The following PLCB1 variants were observed in gnomAD, a reference collection of about 807,000 sequenced individuals.
The protein encoded by PLCB1 is phospholipase C beta 1.
In PLCB1, 46 loss-of-function variants were observed where a neutral mutation model predicts 161.8. The observed-to-expected ratio is 0.28, with a 90% CI of 0.22 to 0.36. The LOEUF (loss-of-function observed/expected upper bound fraction) is 0.36. PLCB1 is among the 10% of genes least tolerant of loss of function. PLCB1 has a pLI of 1.00. For missense variants in PLCB1, 1,016 were observed against 1,472.5 expected (o/e 0.69, Z 5.07); for synonymous variants, 517 against 503.7 (o/e 1.03, Z -0.35).
chr20:8,269,519 A>G (rs1454897483), intron 2 of PLCB1, among the ~76,000 whole-genome samples: 1 of 152,196 alleles, frequency 6.6e-6, no homozygotes. Flanking sequence ...GTATTTTCTT[A>G]TAACTCAGAG....
intron 2 of PLCB1, among the ~76,000 whole-genome samples, chr20:8,171,570 A>G (rs1371304279): frequency 1.3e-5 from 2 of 152,072 alleles, no homozygotes; most frequent in African/African-American, 4.8e-5. Flanking sequence ...AACTTTCTGC[A>G]CCTCAGTTTT....
At chr20:8,275,250 AGTGT>A (rs3031931) in intron 2 of PLCB1, among the ~76,000 whole-genome samples, 24 of 145,458 alleles carry the variant, frequency 1.6e-4, no homozygotes, top group African/African-American at 3.6e-4. Context: ...CATCAGCGTG[AGTGT>A]GTGTGTGTGT....
chr20:8,154,601 A>T (rs2123039323), intron 2 of PLCB1, among the ~76,000 whole-genome samples: 1 of 152,274 alleles, frequency 6.6e-6, no homozygotes, highest in Non-Finnish European at 1.5e-5. Context: ...AGCCCAACCA[A>T]CAGTAATAGG....
At chr20:8,611,488 AT>A (rs1987902002) in intron 3 of PLCB1, among the ~76,000 whole-genome samples, 1 of 152,172 alleles carries the variant, frequency 6.6e-6, no homozygotes, top group African/African-American at 2.4e-5. Flanking sequence ...TTACCTTAAA[AT>A]GTAAGAAGCC....
At chr20:8,353,558 ATAG>A (rs1381842965) in intron 2 of PLCB1, among the ~76,000 whole-genome samples, 1 of 152,128 alleles carries the variant, frequency 6.6e-6, no homozygotes, top group Non-Finnish European at 1.5e-5. Flanking sequence ...AGTCATGTTG[ATAG>A]TAGGTACCTT....
chr20:8,234,229 G>T (rs1274451797), intron 2 of PLCB1, among the ~76,000 whole-genome samples: 2 of 152,180 alleles, frequency 1.3e-5, no homozygotes, highest in Non-Finnish European at 2.9e-5. Flanking sequence ...ATTGCCAAAT[G>T]GTTTTCCAAA....
At chr20:8,286,599 C>T (rs993130013) in intron 2 of PLCB1, among the ~76,000 whole-genome samples, 1 of 152,192 alleles carries the variant, frequency 6.6e-6, no homozygotes, top group African/African-American at 2.4e-5. Flanking sequence ...TAATCCTTTA[C>T]AGTTCCTTCC....
At chr20:8,774,479 C>T in intron 26 of PLCB1, 60 bp from the exon 27 acceptor site, 1 of 1,440,428 alleles carries the variant, frequency 6.9e-7, no homozygotes, top group Non-Finnish European at 9.4e-7. Context: ...TGGTGAATAA[C>T]CTTCCCTCCA....
intron 3 of PLCB1, among the ~76,000 whole-genome samples, chr20:8,437,637 T>C (rs1980369169): frequency 2.0e-5 from 3 of 152,190 alleles, no homozygotes; most frequent in Admixed American, 2.0e-4. Context: ...GGTATGGTGT[T>C]TATTTCTACC....
intron 31 of PLCB1, among the ~76,000 whole-genome samples, chr20:8,809,740 A>G (rs1022874012): frequency 6.6e-6 from 1 of 151,864 alleles, no homozygotes; most frequent in Non-Finnish European, 1.5e-5. Context: ...CCTTCTTTAA[A>G]GCTTTTTTTT....
intron 31 of PLCB1, among the ~76,000 whole-genome samples, chr20:8,822,270 G>C (rs1034980189): frequency 1.3e-5 from 2 of 152,176 alleles, no homozygotes; most frequent in African/African-American, 4.8e-5. Context: ...TGGGGAAACA[G>C]TAAAGTTCAG....
chr20:8,172,779 G>A (rs1568577776), intron 2 of PLCB1, among the ~76,000 whole-genome samples: 1 of 152,200 alleles, frequency 6.6e-6, no homozygotes, highest in Non-Finnish European at 1.5e-5. Flanking sequence ...GCAACCAGCA[G>A]AGGACTCTGA....
intron 3 of PLCB1, among the ~76,000 whole-genome samples, chr20:8,469,911 C>A (rs6055838): frequency 0.53 from 80,839 of 151,856 alleles, 23,102 homozygotes; most frequent in East Asian, 0.73. Flanking sequence ...GAAACCCTGT[C>A]CCCATTAATA....
At chr20:8,355,357 C>T (rs1015144777) in intron 2 of PLCB1, among the ~76,000 whole-genome samples, 1 of 151,974 alleles carries the variant, frequency 6.6e-6, no homozygotes, top group Non-Finnish European at 1.5e-5. Flanking sequence ...TACTTAGAAG[C>T]CTAGTGTGGG....
At chr20:8,622,760 G>T (rs1988219620) in intron 3 of PLCB1, among the ~76,000 whole-genome samples, 1 of 8,868 alleles carries the variant, frequency 1.1e-4, no homozygotes, top group East Asian at 0.071. Flanking sequence ...CTTGTCCTCA[G>T]ATCTTTGATT....
intron 3 of PLCB1, among the ~76,000 whole-genome samples, chr20:8,433,224 G>A (rs1387424365): frequency 6.6e-6 from 1 of 152,208 alleles, no homozygotes; most frequent in African/African-American, 2.4e-5. Flanking sequence ...AATTGAAAAT[G>A]TCTGGGAATT....
chr20:8,876,812 G>A (rs912712235), intron 31 of PLCB1, among the ~76,000 whole-genome samples: 1 of 152,160 alleles, frequency 6.6e-6, no homozygotes, highest in Non-Finnish European at 1.5e-5. Flanking sequence ...CTTCTGGCAA[G>A]CTAGGCTGAG....
intron 10 of PLCB1, among the ~76,000 whole-genome samples, chr20:8,693,438 G>A (rs188976892): frequency 1.3e-5 from 2 of 152,256 alleles, no homozygotes; most frequent in East Asian, 3.9e-4. Flanking sequence ...TCTAGAGAGG[G>A]TCAAGACAAA....
At chr20:8,494,582 A>G (rs1194385082) in intron 3 of PLCB1, among the ~76,000 whole-genome samples, 2 of 152,214 alleles carry the variant, frequency 1.3e-5, no homozygotes, top group Non-Finnish European at 2.9e-5. Context: ...GAGAGGAGAG[A>G]AAAACAGGCT....
Sources: gnomAD v4.1 joint callset for allele counts (sites outside exome capture counted in the v4.1 genomes callset) on GRCh38, gnomAD v4.1.1 for gene constraint, MANE v1.5 for transcripts, NCBI Gene and HGNC (gene_info 2026-07-23, HGNC 2026-07-21) for gene names.